Variants in ASAP1 observed in about 807,000 individuals in gnomAD.
ASAP1 encodes arf-GAP with SH3 domain, ANK repeat and PH domain-containing protein 1.
ASAP1 carries 43 observed loss-of-function variants against 145.2 expected under a neutral mutation model. That is an observed-to-expected ratio of 0.30 (90% CI 0.23 to 0.38). The LOEUF (loss-of-function observed/expected upper bound fraction) is 0.38, where lower values mean the gene tolerates loss of function less well. ASAP1 is among the 10% of genes least tolerant of loss of function. ASAP1 has a pLI of 1.00. For synonymous variants in ASAP1, 546 were observed against 515.5 expected, an observed-to-expected ratio of 1.06 and a Z score of -0.80; for missense variants, 1,018 against 1,355.3, an observed-to-expected ratio of 0.75 and a Z score of 3.91.
intron 7 of ASAP1, among the ~76,000 whole-genome samples, 198 bp from the exon 8 acceptor site, chr8:130,181,078 T>C (rs1814327408): frequency 6.6e-6 from 1 of 151,916 alleles, no homozygotes. Context: ...AGGGAGCATA[T>C]GGGAACTCTC....
At chr8:130,122,281 C>T (rs1294939044) in intron 18 of ASAP1, among the ~76,000 whole-genome samples, 1 of 152,176 alleles carries the variant, frequency 6.6e-6, no homozygotes, top group Non-Finnish European at 1.5e-5. Context: ...GAAACTCTGT[C>T]TTGTTTGCTA....
chr8:130,274,313 T>C (rs1235879809), intron 3 of ASAP1, among the ~76,000 whole-genome samples: 1 of 152,200 alleles, frequency 6.6e-6, no homozygotes, highest in Non-Finnish European at 1.5e-5. Context: ...AACTGGGCCT[T>C]GCTGGCATTT....
chr8:130,224,957 T>C (rs1817506920), intron 4 of ASAP1, among the ~76,000 whole-genome samples: 1 of 152,204 alleles, frequency 6.6e-6, no homozygotes, highest in South Asian at 2.1e-4. Flanking sequence ...GCAATGCACA[T>C]ATAAAAGGGG....
At chr8:130,220,194 C>T (rs1238914082) in intron 4 of ASAP1, among the ~76,000 whole-genome samples, 1 of 152,152 alleles carries the variant, frequency 6.6e-6, no homozygotes, top group Non-Finnish European at 1.5e-5. Context: ...CCAGAAAAGG[C>T]CACTTCATCA....
intron 3 of ASAP1, among the ~76,000 whole-genome samples, chr8:130,298,469 C>T (rs548545267): frequency 6.6e-6 from 1 of 152,326 alleles, no homozygotes; most frequent in South Asian, 2.1e-4. Flanking sequence ...ATAGCTCTCA[C>T]TGGGTCATGT....
At chr8:130,287,397 T>C (rs901435929) in intron 3 of ASAP1, among the ~76,000 whole-genome samples, 1 of 152,176 alleles carries the variant, frequency 6.6e-6, no homozygotes, top group Non-Finnish European at 1.5e-5. Context: ...CACTTACTCA[T>C]CAGTCACACC....
intron 3 of ASAP1, among the ~76,000 whole-genome samples, 153 bp downstream of exon 3, chr8:130,357,864 C>T (rs1826428715): frequency 6.6e-6 from 1 of 152,252 alleles, no homozygotes. Context: ...GAAGGCGCCG[C>T]CCGTCCGAAG....
chr8:130,321,786 G>A (rs1020310878), intron 3 of ASAP1, among the ~76,000 whole-genome samples: 1 of 152,116 alleles, frequency 6.6e-6, no homozygotes, highest in African/African-American at 2.4e-5. Context: ...TTTAACATCA[G>A]TTATCTCATC....
intron 1 of ASAP1, among the ~76,000 whole-genome samples, chr8:130,409,417 G>A (rs530151960): frequency 6.6e-6 from 1 of 152,168 alleles, no homozygotes; most frequent in Non-Finnish European, 1.5e-5. Context: ...TACCAACCCT[G>A]ATCAGCCCTG....
At chr8:130,219,401 A>C (rs533796015) in intron 4 of ASAP1, among the ~76,000 whole-genome samples, 1 of 152,326 alleles carries the variant, frequency 6.6e-6, no homozygotes, top group Admixed American at 6.5e-5. Context: ...GGAGGAACAC[A>C]CTGCAGAGTA....
chr8:130,258,190 T>C (rs1274142291), intron 3 of ASAP1, among the ~76,000 whole-genome samples: 6 of 152,132 alleles, frequency 3.9e-5, no homozygotes, highest in Non-Finnish European at 8.8e-5. Flanking sequence ...AGCTCCATAA[T>C]GGAAGACGTT....
chr8:130,149,746 C>G (rs754979423), intron 13 of ASAP1, among the ~76,000 whole-genome samples: 17 of 152,272 alleles, frequency 1.1e-4, no homozygotes, highest in Non-Finnish European at 1.8e-4. Context: ...GATTTTCAAT[C>G]TAATTCTAAT....
At chr8:130,250,320 A>G (rs1039951334) in intron 3 of ASAP1, among the ~76,000 whole-genome samples, 1 of 152,188 alleles carries the variant, frequency 6.6e-6, no homozygotes, top group Non-Finnish European at 1.5e-5. Context: ...AAACTAGTAA[A>G]CGGAAAAATC....
chr8:130,204,858 T>C (rs1816104183), intron 5 of ASAP1, among the ~76,000 whole-genome samples: 1 of 152,174 alleles, frequency 6.6e-6, no homozygotes, highest in Non-Finnish European at 1.5e-5. Context: ...TCTTAACCAA[T>C]AAAACATGTA....
Position 130,132,600 on chromosome 8 carries a change from T to C in ASAP1, c.1217+1696A>G, listed in dbSNP as rs115776939. The stretch of plus-strand genomic sequence containing the variant: ...GCCCCGAGTCTATTCCTCCAGCACA[T>C]GGCCTCCTCTGTCCTTACACTTAGC... On this transcript the variant is annotated intron_variant, in intron 15 of 29. Coordinates refer to ENST00000518721, the MANE Select transcript of ASAP1 (RefSeq NM_018482.4). Among the ~76,000 whole-genome samples the C allele has an allele frequency of 8.4e-3, 1,278 of 152,294 alleles. 21 individuals carry two copies. The highest frequency in any genetic ancestry group is 0.029 in the African/African-American group (1,217 of 41,552).
chr8:130,152,705 T>A (rs1226829278), intron 13 of ASAP1, 31 bp downstream of exon 13: 9 of 1,562,916 alleles, frequency 5.8e-6, no homozygotes, highest in Non-Finnish European at 7.9e-6. Context: ...TTCTGGCCCA[T>A]GAGGCAGGGT....
rs1422348123 is a variant in ASAP1, at chr8:130,079,936, T to C, written c.2608A>G (p.Thr870Ala). 6.2e-7 allele frequency: 1 copy of C among 1,614,172 alleles called. No homozygotes were observed. The highest frequency in any genetic ancestry group is 8.5e-7 in the Non-Finnish European group (1 of 1,180,014). Residue 870 changes from threonine to alanine, a missense_variant, in exon 26 of 30, where the codon ACA becomes GCA. Thr to Ala is a moderately conservative substitution (Grantham distance 58). This residue lies in a region of ASAP1 where 353 missense variants were observed against 375.4 expected (regional missense o/e 0.94). Transcript: ENST00000518721. ...DGGPSSSSKT[T>A]NKFEGLSQQS... ...TGGGATAGTCCCTCAAACTTGTTTG[T>C]AGTCTTACTTGAAGAGGATGGACCC... is the stretch of plus-strand genomic sequence containing the variant.
Position 130,112,338 on chromosome 8 carries a change from A to G in ASAP1, c.2173-16T>C. 6.2e-7 allele frequency: 1 copy of G among 1,609,430 alleles called. No homozygotes were observed. Among genetic ancestry groups the G allele is most frequent in the Non-Finnish European group, 8.5e-7 (1 of 1,176,202 alleles). ...TAGGGCTTGGCTGGCAGATGAAATA[A>G]GAAGGTGAGATAATAATCAAGGACC... On this transcript the variant is annotated splice_polypyrimidine_tract_variant and intron_variant, in intron 23 of 29. Coordinates refer to ENST00000518721, the MANE Select transcript of ASAP1 (RefSeq NM_018482.4).
intron 3 of ASAP1, among the ~76,000 whole-genome samples, chr8:130,276,983 C>CT (rs1405309920): frequency 6.6e-6 from 1 of 152,128 alleles, no homozygotes; most frequent in Non-Finnish European, 1.5e-5. Context: ...CCTGGGGTCC[C>CT]TTGTCCATGT....
Sources: gnomAD v4.1 joint callset for allele counts (sites outside exome capture counted in the v4.1 genomes callset) on GRCh38, gnomAD v4.1.1 for gene constraint, gnomAD v4.1.1 regional missense constraint, MANE v1.5 for transcripts, NCBI Gene and HGNC (gene_info 2026-07-23, HGNC 2026-07-21) for gene names.